The following ABCB5 variants were observed in gnomAD, a reference collection of about 807,000 sequenced individuals.
ABCB5 encodes the protein ATP binding cassette subfamily B member 5.
Under a neutral mutation model 144.2 loss-of-function variants are expected in ABCB5, and 155 were observed. The ratio of observed to expected loss-of-function variants is 1.08; its 90% CI spans 0.94 to 1.23. The LOEUF is 1.23. Among genes scored for constraint, ABCB5 ranks in the 50% most tolerant of loss-of-function variants. ABCB5 has a pLI of 0.00. For synonymous variants in ABCB5, 610 were observed against 528.6 expected, an observed-to-expected ratio of 1.15 and a Z score of -2.11; for missense variants, 1,830 against 1,520.8, an observed-to-expected ratio of 1.20 and a Z score of -3.38.
At chr7:20,632,638 T>C (rs1784061398) in intron 5 of ABCB5, among the ~76,000 whole-genome samples, 1 of 152,078 alleles carries the variant, frequency 6.6e-6, no homozygotes, top group Non-Finnish European at 1.5e-5. Flanking sequence ...TAGACTGGAT[T>C]AAGAGAATGT....
At chr7:20,754,427 C>G (rs1438093963) in intron 27 of ABCB5, among the ~76,000 whole-genome samples, 1 of 152,174 alleles carries the variant, frequency 6.6e-6, no homozygotes, top group Non-Finnish European at 1.5e-5. Context: ...TGACCTTGGT[C>G]TAACCTCAGT....
chr7:20,702,655 A>ATTTTTT (rs34454519), intron 19 of ABCB5, among the ~76,000 whole-genome samples: 8 of 117,164 alleles, frequency 6.8e-5, no homozygotes, highest in African/African-American at 2.3e-4. Context: ...CATATAATGG[A>ATTTTTT]TTTTTTTTTT....
intron 5 of ABCB5, among the ~76,000 whole-genome samples, chr7:20,638,533 G>A (rs896093478): frequency 2.0e-5 from 3 of 152,130 alleles, no homozygotes; most frequent in African/African-American, 7.2e-5. Flanking sequence ...TGCCCAGCTT[G>A]AGGCAACTCC....
At chr7:20,666,780 G>A (rs759243745) in intron 14 of ABCB5, 13 of 1,595,966 alleles carry the variant, frequency 8.1e-6, no homozygotes, top group South Asian at 4.6e-5. Flanking sequence ...CAACAAAGAC[G>A]TATTGATAAT....
chr7:20,661,611 C>A (rs866521931), intron 14 of ABCB5, among the ~76,000 whole-genome samples: 7 of 149,086 alleles, frequency 4.7e-5, no homozygotes, highest in South Asian at 2.1e-4. Context: ...TCTTCACTCA[C>A]TGCAACCTCC....
chr7:20,731,389 T>A (rs924252054), intron 23 of ABCB5, among the ~76,000 whole-genome samples: 1 of 146,344 alleles, frequency 6.8e-6, no homozygotes, highest in South Asian at 2.1e-4. Context: ...TATATATACA[T>A]ATAAAATTTA....
intron 7 of ABCB5, among the ~76,000 whole-genome samples, chr7:20,644,762 A>G (rs1417948523): frequency 2.6e-5 from 4 of 152,248 alleles, no homozygotes; most frequent in Non-Finnish European, 5.9e-5. Context: ...TACTAACAAT[A>G]TAGTAATTCA....
intron 7 of ABCB5, among the ~76,000 whole-genome samples, chr7:20,645,473 G>A (rs924187019): frequency 1.3e-5 from 2 of 152,182 alleles, no homozygotes; most frequent in African/African-American, 4.8e-5. Flanking sequence ...TGGAACTGTT[G>A]TGTTAATTAC....
At chr7:20,750,238 T>C (rs1782874343) in intron 26 of ABCB5, among the ~76,000 whole-genome samples, 1 of 151,960 alleles carries the variant, frequency 6.6e-6, no homozygotes, top group Non-Finnish European at 1.5e-5. Context: ...AACAAGAAAA[T>C]TGATTTAAAA....
chr7:20,670,746 A>C (rs140566343), intron 14 of ABCB5, among the ~76,000 whole-genome samples: 1,686 of 152,266 alleles, frequency 0.011, 28 homozygotes, highest in South Asian at 0.045. Context: ...CATGTCTCTA[A>C]TAAAAATACA....
At chr7:20,631,968 T>G in intron 4 of ABCB5, 91 bp from the exon 5 acceptor site, 2 of 655,446 alleles carry the variant, frequency 3.1e-6, no homozygotes, top group East Asian at 6.0e-5. Context: ...GTCTTAAGAG[T>G]GCACTATATT....
intron 23 of ABCB5, among the ~76,000 whole-genome samples, chr7:20,738,502 G>GCT (rs1486813597): frequency 1.3e-5 from 2 of 152,134 alleles, no homozygotes; most frequent in Non-Finnish European, 2.9e-5. Context: ...TCTAAATAAT[G>GCT]TAGCATATCA....
At chr7:20,703,741 A>C (rs17143289) in intron 19 of ABCB5, among the ~76,000 whole-genome samples, 5,350 of 152,328 alleles carry the variant, frequency 0.035, 126 homozygotes, top group Middle Eastern at 0.085. Context: ...TATAAGAGGA[A>C]ATCAGAATTC....
intron 3 of ABCB5, among the ~76,000 whole-genome samples, chr7:20,627,643 T>A (rs930231778): frequency 2.0e-5 from 3 of 151,608 alleles, no homozygotes; most frequent in African/African-American, 7.3e-5. Flanking sequence ...CATTTCTTTC[T>A]TATTCAAAAC....
chr7:20,671,920 T>C (rs1785467602), intron 14 of ABCB5, among the ~76,000 whole-genome samples: 1 of 152,234 alleles, frequency 6.6e-6, no homozygotes, highest in African/African-American at 2.4e-5. Flanking sequence ...TCTTTTACAT[T>C]TCTACAAGAG....
chr7:20,704,014 ATTAG>A (rs976232912), intron 19 of ABCB5, among the ~76,000 whole-genome samples: 4 of 148,332 alleles, frequency 2.7e-5, no homozygotes, highest in Non-Finnish European at 4.4e-5. Flanking sequence ...ACTTTTTATC[ATTAG>A]TTAGTTTAGG....
chr7:20,732,641 T>C (rs1782259500), intron 23 of ABCB5, among the ~76,000 whole-genome samples: 1 of 152,176 alleles, frequency 6.6e-6, no homozygotes, highest in Non-Finnish European at 1.5e-5. Flanking sequence ...CAGGAGTCTG[T>C]TTTTCACAAA....
At chr7:20,658,836 G>T (rs145190038) in intron 14 of ABCB5, among the ~76,000 whole-genome samples, 160 bp downstream of exon 14, 3 of 152,152 alleles carry the variant, frequency 2.0e-5, no homozygotes, top group Admixed American at 6.6e-5. Flanking sequence ...ATGGCTATAG[G>T]AAGTGGTTTA....
chr7:20,642,194 AAC>A (rs1784309301), intron 5 of ABCB5, among the ~76,000 whole-genome samples: 1 of 152,182 alleles, frequency 6.6e-6, no homozygotes, highest in Admixed American at 6.5e-5. Flanking sequence ...ATAAAACATG[AAC>A]AGTGCACTGT....
Sources: gnomAD v4.1 joint callset for allele counts (sites outside exome capture counted in the v4.1 genomes callset) on GRCh38, gnomAD v4.1.1 for gene constraint, MANE v1.5 for transcripts, NCBI Gene and HGNC (gene_info 2026-07-23, HGNC 2026-07-21) for gene names.